The following HS6ST3 variants were observed in gnomAD, a reference collection of about 807,000 sequenced individuals.
HS6ST3 encodes heparan sulfate 6-O-sulfotransferase 3.
In HS6ST3, 12 loss-of-function variants were observed where a neutral mutation model predicts 36.7. The ratio of observed to expected loss-of-function variants is 0.33; its 90% CI spans 0.21 to 0.53. The LOEUF is 0.53. Among genes scored for constraint, HS6ST3 ranks in the 20% least tolerant of loss-of-function variants. HS6ST3 has a pLI of 0.95. For missense variants in HS6ST3, 584 were observed against 640.9 expected, an observed-to-expected ratio of 0.91 and a Z score of 0.96; for synonymous variants, 240 against 257.5, an observed-to-expected ratio of 0.93 and a Z score of 0.65.
intron 1 of HS6ST3, among the ~76,000 whole-genome samples, chr13:96,200,264 A>C (rs2054334920): frequency 6.6e-6 from 1 of 152,164 alleles, no homozygotes; most frequent in African/African-American, 2.4e-5. Flanking sequence ...ATACCCTGCA[A>C]TGGCTCTCGA....
rs562856034 is a variant in HS6ST3, at chr13:96,507,848, A to C, written c.708-324642A>C. ...GTATTATACCATACACATCATTTTAAGATTAACTATTCAGTTGAATTTTAC... is the reference window on the plus strand; with the variant it reads ...GTATTATACCATACACATCATTTTACGATTAACTATTCAGTTGAATTTTAC... On this transcript the variant is annotated intron_variant, in intron 1 of 1. Transcript: ENST00000376705. 3.9e-5 allele frequency among the ~76,000 whole-genome samples: 6 copies of C among 152,244 alleles called. No individual in the cohort carries two copies. The South Asian group carries it at 1.2e-3, about 32-fold the overall frequency.
intron 1 of HS6ST3, among the ~76,000 whole-genome samples, chr13:96,152,554 G>A (rs1219166829): frequency 6.6e-6 from 1 of 151,926 alleles, no homozygotes; most frequent in Non-Finnish European, 1.5e-5. Flanking sequence ...AGCCAGGATG[G>A]TCTCCATCTC....
At chr13:96,518,205 A>C (rs1345222522) in intron 1 of HS6ST3, among the ~76,000 whole-genome samples, 1 of 152,184 alleles carries the variant, frequency 6.6e-6, no homozygotes, top group Non-Finnish European at 1.5e-5. Flanking sequence ...CATCTCCTTA[A>C]CAGATTTTTA....
chr13:96,816,563 A>G (rs2138538884), intron 1 of HS6ST3, among the ~76,000 whole-genome samples: 1 of 152,314 alleles, frequency 6.6e-6, no homozygotes. Context: ...ATGTGGAAGC[A>G]TGATGCGTGA....
At chr13:96,409,628 AG>A (rs1395065609) in intron 1 of HS6ST3, among the ~76,000 whole-genome samples, 9 of 152,208 alleles carry the variant, frequency 5.9e-5, no homozygotes, top group African/African-American at 2.2e-4. Flanking sequence ...ATAAATATAT[AG>A]GAACTTCTGT....
intron 1 of HS6ST3, among the ~76,000 whole-genome samples, chr13:96,651,038 TC>T (rs2056605513): frequency 6.6e-6 from 1 of 152,082 alleles, no homozygotes; most frequent in Non-Finnish European, 1.5e-5. Flanking sequence ...TCTTTCCAAA[TC>T]CTTTAATACC....
chr13:96,170,467 G>A (rs1566898648), intron 1 of HS6ST3, among the ~76,000 whole-genome samples: 1 of 152,230 alleles, frequency 6.6e-6, no homozygotes, highest in African/African-American at 2.4e-5. Context: ...CTAAAAATAA[G>A]TCATTTCATG....
At chr13:96,438,629 C>T (rs970671889) in intron 1 of HS6ST3, among the ~76,000 whole-genome samples, 5 of 152,218 alleles carry the variant, frequency 3.3e-5, no homozygotes, top group Non-Finnish European at 7.3e-5. Flanking sequence ...TCAAAATGTA[C>T]TGAGTTTACT....
intron 1 of HS6ST3, among the ~76,000 whole-genome samples, chr13:96,335,546 C>G (rs1195644000): frequency 6.6e-6 from 1 of 152,214 alleles, no homozygotes; most frequent in Non-Finnish European, 1.5e-5. Flanking sequence ...ACTCTACTTA[C>G]TGCATACACC....
intron 1 of HS6ST3, among the ~76,000 whole-genome samples, chr13:96,407,416 C>T (rs1297447134): frequency 6.6e-6 from 1 of 152,170 alleles, no homozygotes; most frequent in Non-Finnish European, 1.5e-5. Context: ...GGTTCTTTCA[C>T]TGGTGAAATG....
intron 1 of HS6ST3, among the ~76,000 whole-genome samples, chr13:96,592,497 C>G (rs2056386220): frequency 6.6e-6 from 1 of 152,144 alleles, no homozygotes; most frequent in African/African-American, 2.4e-5. Flanking sequence ...TGTGTACTTA[C>G]TATTACCAGT....
intron 1 of HS6ST3, among the ~76,000 whole-genome samples, chr13:96,616,579 T>C (rs939568962): frequency 6.6e-6 from 1 of 152,184 alleles, no homozygotes; most frequent in Non-Finnish European, 1.5e-5. Context: ...TAGAATTTCA[T>C]AGAAATTACT....
At position 96,578,272 on chromosome 13, in the gene HS6ST3, C is replaced by G. The variant is rs2138967001; in HGVS notation, c.708-254218C>G. Reference sequence around the variant, plus strand: ...TCCTGAACAGGGCCTAGTCAGGAAGCAGTCTGGAAGTGTATGGTCAAGGTT... The same window carrying G: ...TCCTGAACAGGGCCTAGTCAGGAAGGAGTCTGGAAGTGTATGGTCAAGGTT... On this transcript the variant is annotated intron_variant, in intron 1 of 1. Coordinates refer to ENST00000376705, the MANE Select transcript of HS6ST3 (RefSeq NM_153456.4). Among the ~76,000 whole-genome samples, 2 of 152,318 alleles carry G rather than the reference C, an allele frequency of 1.3e-5. 1 individual carries two copies. Among genetic ancestry groups the G allele is most frequent in the South Asian group, 4.1e-4 (2 of 4,828 alleles).
intron 1 of HS6ST3, among the ~76,000 whole-genome samples, chr13:96,779,691 A>G (rs1877476744): frequency 6.6e-6 from 1 of 152,014 alleles, no homozygotes; most frequent in Non-Finnish European, 1.5e-5. Context: ...AAATGAGGTC[A>G]GACCAGTGAA....
chr13:96,768,543 A>G (rs1018372377), intron 1 of HS6ST3, among the ~76,000 whole-genome samples: 2 of 152,104 alleles, frequency 1.3e-5, no homozygotes, highest in Non-Finnish European at 2.9e-5. Flanking sequence ...CTCAAACTCC[A>G]TTTCTTGTGC....
chr13:96,120,293 G>A (rs2053919259), intron 1 of HS6ST3, among the ~76,000 whole-genome samples: 1 of 152,198 alleles, frequency 6.6e-6, no homozygotes, highest in Non-Finnish European at 1.5e-5. Context: ...ATATATTTCT[G>A]TGGTTTTAAG....
intron 1 of HS6ST3, among the ~76,000 whole-genome samples, chr13:96,507,472 C>A (rs2056031123): frequency 6.6e-6 from 1 of 152,040 alleles, no homozygotes; most frequent in African/African-American, 2.4e-5. Context: ...GGTTTTGCAA[C>A]TAGGATCTCA....
intron 1 of HS6ST3, among the ~76,000 whole-genome samples, chr13:96,334,347 C>T (rs968670902): frequency 6.6e-6 from 1 of 152,026 alleles, no homozygotes; most frequent in Admixed American, 6.6e-5. Context: ...ATCTTGTTCC[C>T]CACTTCACCT....
chr13:96,392,149 A>G (rs2055398972), intron 1 of HS6ST3, among the ~76,000 whole-genome samples: 1 of 152,208 alleles, frequency 6.6e-6, no homozygotes, highest in Admixed American at 6.5e-5. Flanking sequence ...AAGAAAGACT[A>G]TTAAGCCTTT....
Sources: allele counts gnomAD v4.1 joint callset (sites outside exome capture counted in the v4.1 genomes callset), GRCh38; gene constraint gnomAD v4.1.1; transcripts MANE v1.5; gene names NCBI Gene and HGNC (gene_info 2026-07-23, HGNC 2026-07-21).